MAPK8: variants seen among roughly 807,000 people sequenced by gnomAD.
MAPK8 encodes mitogen-activated protein kinase 8, also known as JUN N-terminal kinase.
A neutral mutation model predicts 52.9 loss-of-function variants in MAPK8; 13 were observed. The observed-to-expected ratio is 0.25, with a 90% CI of 0.16 to 0.39. The LOEUF is 0.39. MAPK8 is among the 10% of genes least tolerant of loss of function. The pLI, the probability that MAPK8 is intolerant of heterozygous loss-of-function variation, is 1.00. For missense variants in MAPK8, 300 were observed against 519.2 expected (o/e 0.58, Z 4.10); for synonymous variants, 191 against 169.8 (o/e 1.12, Z -0.97).
intron 6 of MAPK8, among the ~76,000 whole-genome samples, 150 bp from the exon 7 acceptor site, chr10:48,423,933 TTTGTG>T (rs1213257298): frequency 2.0e-5 from 3 of 152,210 alleles, no homozygotes; most frequent in African/African-American, 7.2e-5. Context: ...CAAAAAATAA[TTTGTG>T]TTTTAAATTA....
chr10:48,345,580 G>A (rs1845690172), intron 1 of MAPK8, among the ~76,000 whole-genome samples: 1 of 152,154 alleles, frequency 6.6e-6, no homozygotes, highest in South Asian at 2.1e-4. Context: ...ACACATTTCT[G>A]CTTCCAAAAT....
chr10:48,375,290 T>C (rs2040587480), intron 1 of MAPK8, among the ~76,000 whole-genome samples: 1 of 152,116 alleles, frequency 6.6e-6, no homozygotes. Flanking sequence ...ATTGTACTGA[T>C]TGGGCAAAAA....
At chr10:48,412,284 G>A (rs1438421202) in intron 5 of MAPK8, among the ~76,000 whole-genome samples, 1 of 152,070 alleles carries the variant, frequency 6.6e-6, no homozygotes, top group Non-Finnish European at 1.5e-5. Flanking sequence ...ATGCCTTTTT[G>A]TCTTTCGCTT....
At chr10:48,381,741 GT>G (rs2041017893) in intron 1 of MAPK8, among the ~76,000 whole-genome samples, 1 of 151,968 alleles carries the variant, frequency 6.6e-6, no homozygotes, top group Non-Finnish European at 1.5e-5. Flanking sequence ...AATAATTAAT[GT>G]TTTTGTATCT....
intron 6 of MAPK8, among the ~76,000 whole-genome samples, chr10:48,423,856 C>T (rs1254488279): frequency 6.6e-6 from 1 of 151,798 alleles, no homozygotes; most frequent in Non-Finnish European, 1.5e-5. Context: ...GTGCATAGCT[C>T]TCACTTTGAA....
intron 1 of MAPK8, among the ~76,000 whole-genome samples, chr10:48,400,442 C>T (rs1031458636): frequency 8.5e-5 from 13 of 152,142 alleles, no homozygotes; most frequent in African/African-American, 2.7e-4. Context: ...TCATCTGAGT[C>T]ATTATAATAG....
At chr10:48,315,846 A>G (rs1195773238) in intron 1 of MAPK8, among the ~76,000 whole-genome samples, 2 of 151,252 alleles carry the variant, frequency 1.3e-5, no homozygotes, top group Non-Finnish European at 3.0e-5. Flanking sequence ...TTATACTCTT[A>G]TATTTTTTCT....
intron 2 of MAPK8, among the ~76,000 whole-genome samples, chr10:48,402,729 T>C (rs2042223224): frequency 6.6e-6 from 1 of 152,226 alleles, no homozygotes; most frequent in Non-Finnish European, 1.5e-5. Flanking sequence ...TAATCCAGTA[T>C]TTCTCCTAGG....
chr10:48,405,552 A>G (rs1439489850), intron 3 of MAPK8, among the ~76,000 whole-genome samples: 1 of 152,226 alleles, frequency 6.6e-6, no homozygotes, highest in Non-Finnish European at 1.5e-5. Context: ...TTGCAAAGAT[A>G]AGTCTTTATA....
At chr10:48,385,545 T>G (rs1438949897) in intron 1 of MAPK8, among the ~76,000 whole-genome samples, 1 of 152,218 alleles carries the variant, frequency 6.6e-6, no homozygotes, top group African/African-American at 2.4e-5. Context: ...GGCACAGATT[T>G]ATACAGAAAA....
At chr10:48,352,841 C>T (rs577754471) in intron 1 of MAPK8, among the ~76,000 whole-genome samples, 5 of 152,198 alleles carry the variant, frequency 3.3e-5, no homozygotes, top group Admixed American at 1.3e-4. Context: ...TCGCCTGTGA[C>T]GTGATCATCT....
intron 1 of MAPK8, among the ~76,000 whole-genome samples, chr10:48,378,106 T>G (rs2040782519): frequency 6.6e-6 from 1 of 152,168 alleles, no homozygotes; most frequent in South Asian, 2.1e-4. Context: ...TCCGCAACCT[T>G]TACTCCTTGT....
chr10:48,435,195 T>C lies in MAPK8; in HGVS notation c.*166T>C, dbSNP rs2133402528. 1.9e-6 allele frequency: 1 copy of C among 526,266 alleles called. No individual in the cohort carries two copies. The highest frequency in any genetic ancestry group is 3.2e-5 in the East Asian group (1 of 31,568). The allele number at this position is 526,266 out of a possible 1,614,324, so 32.6% of individuals were successfully genotyped here. The stretch of plus-strand genomic sequence containing the variant: ...TTTTTTAATTTCAAGTGATGTAATT[T>C]AAAACCTAAGTTGTGTTTCAAAACA... On this transcript the variant is annotated 3_prime_UTR_variant, in exon 12 of 12. Transcript: ENST00000374189.
chr10:48,360,022 C>T (rs890211338), intron 1 of MAPK8, among the ~76,000 whole-genome samples: 3 of 152,068 alleles, frequency 2.0e-5, no homozygotes, highest in Admixed American at 6.5e-5. Flanking sequence ...TACAAATTAA[C>T]CGGGTTTGGC....
Position 48,347,018 on chromosome 10 carries a change from C to T in MAPK8, c.-50+40197C>T, listed in dbSNP as rs182070010. On this transcript the variant is annotated intron_variant, in intron 1 of 11. Transcript: ENST00000374189. ...CATTCGGGGCCACTACCGGTCTCCGCGCATTGGTGGTAGTGGTCCCCCGGG... is the reference window on the plus strand; with the variant it reads ...CATTCGGGGCCACTACCGGTCTCCGTGCATTGGTGGTAGTGGTCCCCCGGG... Among the ~76,000 whole-genome samples the T allele has an allele frequency of 9.1e-4, 138 of 152,292 alleles. 1 individual carries two copies. The East Asian group carries it at 0.017, about 19-fold the overall frequency.
intron 3 of MAPK8, among the ~76,000 whole-genome samples, chr10:48,407,636 C>T (rs2042542609): frequency 6.6e-6 from 1 of 152,134 alleles, no homozygotes; most frequent in Non-Finnish European, 1.5e-5. Flanking sequence ...TCATGCAATT[C>T]ACCCATTTGA....
At chr10:48,371,566 A>G (rs1287615796) in intron 1 of MAPK8, among the ~76,000 whole-genome samples, 3 of 152,066 alleles carry the variant, frequency 2.0e-5, no homozygotes, top group African/African-American at 4.8e-5. Flanking sequence ...AGTATCTCCT[A>G]CTATAATCAT....
At chr10:48,350,377 C>G (rs1391592407) in intron 1 of MAPK8, among the ~76,000 whole-genome samples, 2 of 152,182 alleles carry the variant, frequency 1.3e-5, no homozygotes, top group Non-Finnish European at 2.9e-5. Context: ...CAGTAAAATC[C>G]TGGCAAACCA....
At chr10:48,385,559 T>C (rs1564563922) in intron 1 of MAPK8, among the ~76,000 whole-genome samples, 1 of 152,066 alleles carries the variant, frequency 6.6e-6, no homozygotes, top group Non-Finnish European at 1.5e-5. Context: ...CAGAAAAAAA[T>C]TTTTGTTTTT....
Sources: gnomAD v4.1 joint callset for allele counts (sites outside exome capture counted in the v4.1 genomes callset) on GRCh38, gnomAD v4.1.1 for gene constraint, MANE v1.5 for transcripts, NCBI Gene and HGNC (gene_info 2026-07-23, HGNC 2026-07-21) for gene names.